Variants in RANBP17 observed in about 807,000 individuals in gnomAD.
RANBP17 encodes ran-binding protein 17.
A neutral mutation model predicts 141.2 loss-of-function variants in RANBP17; 158 were observed. That is an observed-to-expected ratio of 1.12 (90% CI 0.98 to 1.28). RANBP17 has a LOEUF of 1.28. RANBP17 is among the 50% of genes most tolerant of loss of function. The probability of loss-of-function intolerance (pLI) is 0.00; values close to 1 mark genes in which losing one functional copy is unlikely to be tolerated. For missense variants in RANBP17, 1,438 were observed against 1,290.7 expected (o/e 1.11, Z -1.75); for synonymous variants, 430 against 450.0 (o/e 0.96, Z 0.56).
At chr5:171,241,880 C>T (rs555138711) in intron 23 of RANBP17, among the ~76,000 whole-genome samples, 5 of 152,288 alleles carry the variant, frequency 3.3e-5, no homozygotes, top group South Asian at 2.1e-4. Context: ...TGTCATTTAG[C>T]GAGTCTGAAG....
chr5:171,143,184 A>G (rs1757815036), intron 14 of RANBP17: 1 of 152,200 alleles, frequency 6.6e-6, no homozygotes, highest in Non-Finnish European at 1.5e-5. Context: ...CAGAGTTCCA[A>G]ATGGAAGTTT....
intron 19 of RANBP17, among the ~76,000 whole-genome samples, chr5:171,201,184 C>T (rs1226275369): frequency 6.6e-6 from 1 of 152,080 alleles, no homozygotes; most frequent in Admixed American, 6.6e-5. Flanking sequence ...AATGGAGTTC[C>T]AGTGATATAT....
chr5:171,011,018 G>GA lies in RANBP17; in HGVS notation c.1710+42647dup, dbSNP rs1027588655. ...AATACCACTCTTACATAAACATTCA[G>GA]AAAAAAGAGGAAGAGAAGAACTTCC... On this transcript the variant is annotated intron_variant, in intron 14 of 27. Coordinates refer to ENST00000523189, the MANE Select transcript of RANBP17 (RefSeq NM_022897.5). 2.9e-4 allele frequency among the ~76,000 whole-genome samples: 44 copies of GA among 151,940 alleles called. 1 individual carries two copies. Among genetic ancestry groups the GA allele is most frequent in the African/African-American group, 9.9e-4 (41 of 41,516 alleles).
intron 24 of RANBP17, among the ~76,000 whole-genome samples, chr5:171,250,118 A>G (rs1765463125): frequency 6.6e-6 from 1 of 151,876 alleles, no homozygotes; most frequent in South Asian, 2.1e-4. Context: ...TTCAAAGTAC[A>G]GAAAGAAAAA....
chr5:171,110,302 A>G (rs183779678), intron 14 of RANBP17, among the ~76,000 whole-genome samples: 21 of 152,098 alleles, frequency 1.4e-4, no homozygotes, highest in Admixed American at 3.9e-4. Flanking sequence ...TTATATATTA[A>G]TAATAATATA....
At chr5:171,040,972 T>A (rs1782211493) in intron 14 of RANBP17, among the ~76,000 whole-genome samples, 2 of 152,146 alleles carry the variant, frequency 1.3e-5, no homozygotes, top group South Asian at 4.1e-4. Context: ...TCAGTCGAAA[T>A]GTTGATCCAG....
intron 12 of RANBP17, among the ~76,000 whole-genome samples, chr5:170,939,272 T>A (rs1218562061): frequency 6.6e-6 from 1 of 152,140 alleles, no homozygotes; most frequent in Non-Finnish European, 1.5e-5. Context: ...TTATTAAACA[T>A]TTTAAAGGTT....
At chr5:171,023,634 T>C (rs1781032413) in intron 14 of RANBP17, among the ~76,000 whole-genome samples, 1 of 152,226 alleles carries the variant, frequency 6.6e-6, no homozygotes, top group African/African-American at 2.4e-5. Context: ...AATTCCAGTT[T>C]GGCATTTTGT....
rs150976934 is a variant in RANBP17 at position 171,106,358 on chromosome 5, G to C, written c.1711-63772G>C. Among the ~76,000 whole-genome samples the C allele has an allele frequency of 3.3e-5, 5 of 152,202 alleles. No individual in the cohort carries two copies. In the East Asian group the frequency reaches 7.7e-4, roughly 24 times the overall value. On this transcript the variant is annotated intron_variant, in intron 14 of 27. Coordinates refer to ENST00000523189, the MANE Select transcript of RANBP17 (RefSeq NM_022897.5). ...GGTAGATGGAAGGTAGGAGGGGAAG[G>C]GGGTAAATTTTTCCAGGTTGTGAGA...
At chr5:170,964,637 A>G (rs1001711525) in intron 13 of RANBP17, among the ~76,000 whole-genome samples, 14 of 152,060 alleles carry the variant, frequency 9.2e-5, no homozygotes, top group African/African-American at 3.4e-4. Context: ...TATGAGTGAG[A>G]ACATGCAGTG....
At chr5:171,170,621 C>T (rs1581783971) in intron 15 of RANBP17, among the ~76,000 whole-genome samples, 1 of 152,080 alleles carries the variant, frequency 6.6e-6, no homozygotes, top group South Asian at 2.1e-4. Flanking sequence ...CTATGGCTGG[C>T]AGAGACATAT....
At chr5:171,259,570 G>A (rs993390727) in intron 24 of RANBP17, among the ~76,000 whole-genome samples, 5 of 152,180 alleles carry the variant, frequency 3.3e-5, no homozygotes, top group East Asian at 1.9e-4. Context: ...CTTCTGTAGC[G>A]ACATGGATGG....
chr5:170,880,179 G>T (rs1768539634), intron 2 of RANBP17, among the ~76,000 whole-genome samples: 1 of 152,112 alleles, frequency 6.6e-6, no homozygotes, highest in Non-Finnish European at 1.5e-5. Context: ...CTTCATAGAG[G>T]CCAATTCTTT....
intron 13 of RANBP17, among the ~76,000 whole-genome samples, chr5:170,962,859 G>C (rs1776250220): frequency 1.3e-5 from 2 of 152,030 alleles, no homozygotes; most frequent in Non-Finnish European, 2.9e-5. Context: ...CTATAAAAAC[G>C]CTTGTCAAAA....
At chr5:171,012,030 ATATATTTGTTTAAACAAATTATAT>A (rs1357772782) in intron 14 of RANBP17, among the ~76,000 whole-genome samples, 1 of 150,646 alleles carries the variant, frequency 6.6e-6, no homozygotes, top group Non-Finnish European at 1.5e-5. Flanking sequence ...TAAACAAATA[ATATATTTGTTTAAACAAATTATAT>A]TATTTGTTTA....
At chr5:171,265,975 T>G in intron 25 of RANBP17, 128 bp downstream of exon 25, 1 of 704,518 alleles carries the variant, frequency 1.4e-6, no homozygotes. Context: ...TATATATATA[T>G]TGTCTGGGAG....
intron 22 of RANBP17, among the ~76,000 whole-genome samples, chr5:171,224,799 A>G (rs780256207): frequency 5.3e-5 from 8 of 152,192 alleles, no homozygotes; most frequent in Non-Finnish European, 1.0e-4. Context: ...ATTTAGACTA[A>G]TAGTATTGGT....
At chr5:171,186,393 T>C (rs1485693122) in intron 18 of RANBP17, among the ~76,000 whole-genome samples, 1 of 152,116 alleles carries the variant, frequency 6.6e-6, no homozygotes, top group Non-Finnish European at 1.5e-5. Context: ...TCCTTAAACC[T>C]CATGAACCAA....
Position 171,298,550 on chromosome 5 carries a change from T to C in RANBP17, c.3171-212T>C, listed in dbSNP as rs561076071. On this transcript the variant is annotated intron_variant, in intron 27 of 27. Coordinates refer to ENST00000523189, the MANE Select transcript of RANBP17 (RefSeq NM_022897.5). ...GTCAGAGTGAATTTAGTGGCAACCC[T>C]GTTTTCCAGGAAGAGATGAGGGGTT... is the stretch of plus-strand genomic sequence containing the variant. Among the ~76,000 whole-genome samples the C allele has an allele frequency of 7.8e-4, 119 of 152,212 alleles. 1 individual carries two copies. The highest frequency in any genetic ancestry group is 9.8e-4 in the Non-Finnish European group (67 of 68,042).
Sources: allele counts gnomAD v4.1 joint callset (sites outside exome capture counted in the v4.1 genomes callset), GRCh38; gene constraint gnomAD v4.1.1; transcripts MANE v1.5; gene names NCBI Gene and HGNC (gene_info 2026-07-23, HGNC 2026-07-21).